Variants in AHI1 observed in about 807,000 individuals in gnomAD.
AHI1 encodes jouberin.
Under a neutral mutation model 149.3 loss-of-function variants are expected in AHI1, and 123 were observed. The ratio of observed to expected loss-of-function variants is 0.82; its 90% CI spans 0.71 to 0.96. The LOEUF is 0.96. Among genes scored for constraint, AHI1 ranks in the 40% least tolerant of loss-of-function variants. The probability of loss-of-function intolerance (pLI) is 0.00; values close to 1 mark genes in which losing one functional copy is unlikely to be tolerated. For missense variants in AHI1, 1,439 were observed against 1,422.7 expected, an observed-to-expected ratio of 1.01 and a Z score of -0.18; for synonymous variants, 475 against 459.8, an observed-to-expected ratio of 1.03 and a Z score of -0.42.
intron 27 of AHI1, among the ~76,000 whole-genome samples, chr6:135,294,670 G>T: frequency 2.2e-5 from 2 of 91,750 alleles, no homozygotes; most frequent in African/African-American, 4.4e-5. Context: ...TTCAACAAAT[G>T]ATGCTAGAAC....
intron 26 of AHI1, chr6:135,302,794 G>A (rs1784046025): frequency 7.8e-7 from 1 of 1,289,000 alleles, no homozygotes. Flanking sequence ...AGGTGTCTCT[G>A]TGAGCTGTTT....
At chr6:135,317,800 T>C (rs896023241) in intron 26 of AHI1, among the ~76,000 whole-genome samples, 8 of 152,200 alleles carry the variant, frequency 5.3e-5, no homozygotes, top group African/African-American at 1.7e-4. Flanking sequence ...TGTAATGATA[T>C]GTACATGAAA....
chr6:135,363,898 C>T (rs1336700280), intron 23 of AHI1, among the ~76,000 whole-genome samples: 1 of 146,130 alleles, frequency 6.8e-6, no homozygotes, highest in Non-Finnish European at 1.5e-5. Context: ...GGGGGCTGAC[C>T]CCCCCCACCT....
intron 23 of AHI1, among the ~76,000 whole-genome samples, chr6:135,377,467 T>TTATA (rs1776117048): frequency 7.3e-6 from 1 of 137,890 alleles, no homozygotes; most frequent in Non-Finnish European, 1.5e-5. Flanking sequence ...TTTGAGTTAT[T>TTATA]TATTTATTTA....
rs562282837 is a variant in AHI1, at chr6:135,288,963, G to A, written c.3588+1460C>T. On this transcript the variant is annotated intron_variant, in intron 28 of 28. Transcript: ENST00000265602. ...CCATTTTCTCATCAATACTAGGTAT[G>A]TATCATAAGTTTGAAACTTGTCATT... Among the ~76,000 whole-genome samples the A allele has an allele frequency of 8.0e-4, 122 of 152,098 alleles. 1 individual carries two copies. Among genetic ancestry groups the A allele is most frequent in the Middle Eastern group, 6.8e-3 (2 of 292 alleles).
In AHI1 at chr6:135,351,042, C is replaced by A. The variant is rs201659698; in HGVS notation, c.3165+7090G>T. 3.9e-5 allele frequency among the ~76,000 whole-genome samples: 6 copies of A among 151,974 alleles called. No homozygotes were observed. The South Asian group carries it at 8.3e-4, about 21-fold the overall frequency. On this transcript the variant is annotated intron_variant, in intron 24 of 28. Coordinates refer to ENST00000265602, the MANE Select transcript of AHI1 (RefSeq NM_001134831.2). ...TTGCCCGAGATAGTCCCAGTTCATG[C>A]CTATTGTCCTGGCATAACTGAACTT...
intron 22 of AHI1, among the ~76,000 whole-genome samples, chr6:135,396,763 C>T (rs779121624): frequency 6.6e-6 from 1 of 151,574 alleles, no homozygotes; most frequent in East Asian, 1.9e-4. Flanking sequence ...TGCAAACAAA[C>T]AGGTGTATGC....
At chr6:135,353,237 C>T (rs1792436595) in intron 24 of AHI1, among the ~76,000 whole-genome samples, 1 of 152,022 alleles carries the variant, frequency 6.6e-6, no homozygotes, top group Non-Finnish European at 1.5e-5. Context: ...CTTTGAATTG[C>T]TACTTTATTG....
chr6:135,426,435 C>A (rs2128003861), intron 20 of AHI1, among the ~76,000 whole-genome samples: 1 of 151,798 alleles, frequency 6.6e-6, no homozygotes, highest in East Asian at 1.9e-4. Context: ...GTATTTATCA[C>A]AACCATTAAT....
At chr6:135,390,678 C>T (rs1012333201) in intron 23 of AHI1, among the ~76,000 whole-genome samples, 1 of 152,180 alleles carries the variant, frequency 6.6e-6, no homozygotes, top group African/African-American at 2.4e-5. Context: ...TCTAACATGT[C>T]AGCCTCTCTG....
chr6:135,474,472 T>C (rs764295562), intron 5 of AHI1: 1 of 152,128 alleles, frequency 6.6e-6, no homozygotes, highest in Non-Finnish European at 1.5e-5. Context: ...CTTTATTAGG[T>C]TGAGGAAGTT....
intron 18 of AHI1, among the ~76,000 whole-genome samples, chr6:135,429,198 GA>G (rs1422141319): frequency 6.6e-5 from 10 of 151,250 alleles, no homozygotes; most frequent in South Asian, 4.2e-4. Flanking sequence ...TTTGATCTCT[GA>G]AAAAAAATTA....
intron 24 of AHI1, among the ~76,000 whole-genome samples, chr6:135,345,998 G>C (rs1394509369): frequency 6.6e-6 from 1 of 152,156 alleles, no homozygotes; most frequent in Non-Finnish European, 1.5e-5. Context: ...AGGTGAGACT[G>C]TGGAAATATA....
At chr6:135,347,955 A>T (rs1313448971) in intron 24 of AHI1, among the ~76,000 whole-genome samples, 1 of 152,246 alleles carries the variant, frequency 6.6e-6, no homozygotes, top group Non-Finnish European at 1.5e-5. Flanking sequence ...CAGAATAAGA[A>T]GGGTTTTTTC....
At position 135,420,685 on chromosome 6, in the gene AHI1, T is replaced by C. The variant is rs564474940; in HGVS notation, c.2764+6482A>G. Among the ~76,000 whole-genome samples, 6 of 152,308 alleles carry C rather than the reference T, an allele frequency of 3.9e-5. No individual in the cohort carries two copies. In the East Asian group the frequency reaches 9.6e-4, roughly 24 times the overall value. The stretch of plus-strand genomic sequence containing the variant: ...CAGACTTTAAGAGAGTTAGAGGCCT[T>C]GCTCTAGATTAGGCTCTGGCATAAG... On this transcript the variant is annotated intron_variant, in intron 20 of 28. Transcript: ENST00000265602.
At chr6:135,327,206 T>C (rs1787839003) in intron 24 of AHI1, among the ~76,000 whole-genome samples, 1 of 152,204 alleles carries the variant, frequency 6.6e-6, no homozygotes, top group Admixed American at 6.5e-5. Flanking sequence ...CTTTTAAACC[T>C]GATGGTGTCA....
Position 135,430,127 on chromosome 6 carries a change from C to T in AHI1, c.2374-127G>A, listed in dbSNP as rs574309377. 42 of 556,890 alleles carry T rather than the reference C, an allele frequency of 7.5e-5. No homozygotes were observed. In the African/African-American group the frequency reaches 7.7e-4, roughly 10 times the overall value. 34.5% of individuals were successfully genotyped at this position (556,890 alleles called of 1,614,324 possible). ...GTATAGGATGCTTTAAAATTGTTAG[C>T]AAAAGGATTCTGAGTAACGTCAGTT... On this transcript the variant is annotated intron_variant, in intron 17 of 28. Transcript: ENST00000265602.
At chr6:135,423,304 G>A (rs1329233782) in intron 20 of AHI1, among the ~76,000 whole-genome samples, 2 of 152,030 alleles carry the variant, frequency 1.3e-5, no homozygotes, top group African/African-American at 4.8e-5. Flanking sequence ...CTATTCTATA[G>A]GATTTGTAAT....
At chr6:135,430,731 T>C (rs1171584239) in intron 17 of AHI1, among the ~76,000 whole-genome samples, 1 of 151,964 alleles carries the variant, frequency 6.6e-6, no homozygotes, top group Non-Finnish European at 1.5e-5. Flanking sequence ...TTTGTTTCTA[T>C]TCGGCAAATT....
Sources: allele counts gnomAD v4.1 joint callset (sites outside exome capture counted in the v4.1 genomes callset), GRCh38; gene constraint gnomAD v4.1.1; transcripts MANE v1.5; gene names NCBI Gene and HGNC (gene_info 2026-07-23, HGNC 2026-07-21).